HEATR1: variants seen among roughly 807,000 people sequenced by gnomAD.
HEATR1 encodes HEAT repeat-containing protein 1.
Under a neutral mutation model 248.2 loss-of-function variants are expected in HEATR1, and 77 were observed. The ratio of observed to expected loss-of-function variants is 0.31; its 90% confidence interval spans 0.26 to 0.37. HEATR1 has a LOEUF of 0.37. HEATR1 is among the 10% of genes least tolerant of loss of function. HEATR1 has a pLI of 1.00. For synonymous variants in HEATR1, 897 were observed against 923.1 expected, an observed-to-expected ratio of 0.97 and a Z score of 0.51; for missense variants, 2,420 against 2,504.9, an observed-to-expected ratio of 0.97 and a Z score of 0.72.
chr1:236,560,757 TAG>T (rs1380638233), intron 33 of HEATR1, among the ~76,000 whole-genome samples: 1 of 152,188 alleles, frequency 6.6e-6, no homozygotes, highest in Non-Finnish European at 1.5e-5. Context: ...GCATATGGAT[TAG>T]AATCCACAGA....
chr1:236,574,584 T>G (rs572728610), intron 23 of HEATR1, 77 bp downstream of exon 23: 40 of 1,450,794 alleles, frequency 2.8e-5, no homozygotes, highest in Non-Finnish European at 3.0e-5. Flanking sequence ...CTTTTTTTTT[T>G]TAACGCTGTT....
At chr1:236,589,849 C>T (rs766946452) in intron 12 of HEATR1, among the ~76,000 whole-genome samples, 17 of 152,102 alleles carry the variant, frequency 1.1e-4, no homozygotes, top group Admixed American at 2.0e-4. Flanking sequence ...CAATTAGCAC[C>T]TCACACCCAC....
At position 236,603,936 on chromosome 1, in the gene HEATR1, A is replaced by C. The variant is rs1664397350; in HGVS notation, c.142+18T>G. 1.3e-6 allele frequency: 2 copies of C among 1,582,668 alleles called. No homozygotes were observed. Among genetic ancestry groups the C allele is most frequent in the South Asian group, 1.2e-5 (1 of 85,016 alleles). ...ACAAACGCTTCCAAGAGCTTTTCTA[A>C]GTTAAAAGATGGCTCACCAATGGCG... On this transcript the variant is annotated intron_variant, in intron 2 of 44. Transcript: ENST00000366582.
intron 28 of HEATR1, among the ~76,000 whole-genome samples, chr1:236,570,160 G>A (rs1449227837): frequency 1.3e-5 from 2 of 152,098 alleles, no homozygotes; most frequent in Admixed American, 6.5e-5. Context: ...GTGGTGGCGG[G>A]TGCCTGTAGT....
intron 12 of HEATR1, 31 bp from the exon 13 acceptor site, chr1:236,588,074 C>G: frequency 3.9e-6 from 6 of 1,546,240 alleles, no homozygotes; most frequent in Non-Finnish European, 5.3e-6. Context: ...ATTAATTTAG[C>G]TGTTGCCAAA....
In HEATR1 at chr1:236,553,599, C is replaced by T. The variant is rs759935492; in HGVS notation, c.6219G>A (p.Thr2073=). The change falls in exon 43 of 45, where the codon ACG becomes ACA. Residue 2073 remains threonine, a synonymous_variant. Transcript: ENST00000366582. The part of the protein sequence containing the change: ...KPLNYQILLK[T]RDSSPKVRFA... ...TCCTAACCTTAGGCGAGGAGTCTCT[C>T]GTCTTTAGCAGAATCTGGTAGTTCA... 1.9e-5 allele frequency: 30 copies of T among 1,613,540 alleles called. No individual in the cohort carries two copies. The South Asian group carries it at 2.4e-4, about 13-fold the overall frequency.
intron 15 of HEATR1, 137 bp from the exon 16 acceptor site, chr1:236,586,078 G>A: frequency 7.7e-7 from 1 of 1,304,016 alleles, no homozygotes; most frequent in Non-Finnish European, 1.1e-6. Flanking sequence ...TTCTGAATTT[G>A]TCTATGAATT....
At chr1:236,591,825 T>C (rs1337553958) in intron 11 of HEATR1, among the ~76,000 whole-genome samples, 168 bp downstream of exon 11, 1 of 152,230 alleles carries the variant, frequency 6.6e-6, no homozygotes, top group Non-Finnish European at 1.5e-5. Context: ...CCAATTATTC[T>C]ATTCCTGCCT....
chr1:236,592,813 G>A (rs191197705), intron 9 of HEATR1, among the ~76,000 whole-genome samples, 180 bp from the exon 10 acceptor site: 2 of 152,254 alleles, frequency 1.3e-5, no homozygotes, highest in East Asian at 3.9e-4. Flanking sequence ...CACACCACTG[G>A]CATTATAATC....
intron 23 of HEATR1, 95 bp from the exon 24 acceptor site, chr1:236,574,428 T>C (rs2103136334): frequency 1.4e-6 from 2 of 1,417,794 alleles, no homozygotes; most frequent in East Asian, 2.3e-5. Context: ...TACAAAATTG[T>C]TTCCCACTTA....
At chr1:236,604,370 T>G (rs1664416900) in intron 1 of HEATR1, 52 bp downstream of exon 1, 1 of 324,454 alleles carries the variant, frequency 3.1e-6, no homozygotes, top group Admixed American at 5.1e-5. Flanking sequence ...TTACCCTCCC[T>G]CGATATGCCG....
In HEATR1 at chr1:236,574,851, T is replaced by C. The variant is rs894632494; in HGVS notation, c.3137A>G (p.Gln1046Arg). 2.5e-6 allele frequency: 4 copies of C among 1,613,814 alleles called. No homozygotes were observed. In the African/African-American group the frequency reaches 4.0e-5, roughly 16 times the overall value. Reference protein sequence around the residue: ...PMAEQLLEKIQKEPTAVLKDE... With the variant: ...PMAEQLLEKIRKEPTAVLKDE... ...TTTCAGCACAGCTGTGGGCTCCTTC[T>C]GGATCTTTTCTAGCAGTTGTTCAGC... is the stretch of plus-strand genomic sequence containing the variant. The change falls in exon 23 of 45, where the codon CAG (glutamine) becomes CGG (arginine). Residue 1046 changes from glutamine to arginine, a missense_variant. Gln to Arg is a conservative substitution (Grantham distance 43). Transcript: ENST00000366582.
intron 33 of HEATR1, among the ~76,000 whole-genome samples, chr1:236,561,016 T>C (rs765603896): frequency 7.2e-5 from 11 of 152,210 alleles, no homozygotes; most frequent in Non-Finnish European, 1.6e-4. Context: ...CTCTTATTCT[T>C]AGAGACATAA....
At chr1:236,584,145 C>T (rs903336868) in intron 17 of HEATR1, among the ~76,000 whole-genome samples, 1 of 151,972 alleles carries the variant, frequency 6.6e-6, no homozygotes, top group East Asian at 1.9e-4. Context: ...CTCATGACCT[C>T]GAGAAAGGTA....
chr1:236,604,139 T>G lies in HEATR1; in HGVS notation c.-32-12A>C, dbSNP rs1664408576. On this transcript the variant is annotated splice_polypyrimidine_tract_variant and intron_variant, in intron 1 of 44. Transcript: ENST00000366582. ...TTTAATGACACGGGCTAAAAAAACG[T>G]AAGCACTTTGATAAGTTTCTACGAA... 1.0e-5 allele frequency: 16 copies of G among 1,528,594 alleles called. No homozygotes were observed. Among genetic ancestry groups the G allele is most frequent in the Non-Finnish European group, 1.3e-5 (15 of 1,146,128 alleles). The allele number at this position is 1,528,594 out of a possible 1,614,324, so 94.7% of individuals were successfully genotyped here.
At chr1:236,581,161 C>G in intron 20 of HEATR1, 61 bp downstream of exon 20, 2 of 1,387,874 alleles carry the variant, frequency 1.4e-6, no homozygotes, top group Non-Finnish European at 2.0e-6. Flanking sequence ...ACTACATAAA[C>G]CATATAGAGA....
chr1:236,568,895 A>AAC (rs1264005994), intron 29 of HEATR1, 101 bp downstream of exon 29: 2 of 621,608 alleles, frequency 3.2e-6, no homozygotes, highest in Non-Finnish European at 2.1e-6. Flanking sequence ...TAAAAAAAAA[A>AAC]AACAAAAAAA....
intron 17 of HEATR1, among the ~76,000 whole-genome samples, chr1:236,583,903 T>C (rs1477968060): frequency 6.6e-6 from 1 of 152,100 alleles, no homozygotes; most frequent in East Asian, 1.9e-4. Context: ...ATGGCAAAAA[T>C]CTCCAAACCT....
At chr1:236,564,032 T>G (rs1431029902) in intron 32 of HEATR1, among the ~76,000 whole-genome samples, 1 of 152,130 alleles carries the variant, frequency 6.6e-6, no homozygotes, top group African/African-American at 2.4e-5. Flanking sequence ...GCAAGAGGAT[T>G]GCTTGAGCCC....
Sources: allele counts gnomAD v4.1 joint callset (sites outside exome capture counted in the v4.1 genomes callset), GRCh38; gene constraint gnomAD v4.1.1; transcripts MANE v1.5; gene names NCBI Gene and HGNC (gene_info 2026-07-23, HGNC 2026-07-21).